Variants in COL24A1 observed in about 807,000 individuals in gnomAD.
The protein encoded by COL24A1 is collagen type XXIV alpha 1 chain, also known as collagen alpha-1(XXIV) chain.
A neutral mutation model predicts 253.9 loss-of-function variants in COL24A1; 224 were observed. The observed-to-expected ratio is 0.88, with a 90% confidence interval of 0.79 to 0.99. The LOEUF is 0.99. Among genes scored for constraint, COL24A1 ranks in the 50% least tolerant of loss-of-function variants. The pLI is 0.00. For missense variants in COL24A1, 2,131 were observed against 2,068.5 expected (o/e 1.03, Z -0.59); for synonymous variants, 685 against 673.7 (o/e 1.02, Z -0.26).
intron 24 of COL24A1, among the ~76,000 whole-genome samples, chr1:85,936,202 C>T (rs1688235688): frequency 6.8e-6 from 1 of 147,270 alleles, no homozygotes; most frequent in African/African-American, 2.5e-5. Context: ...AAAACAGTAT[C>T]TGGGCAGAGG....
intron 24 of COL24A1, among the ~76,000 whole-genome samples, chr1:85,939,309 A>T (rs1688517496): frequency 6.6e-6 from 1 of 152,186 alleles, no homozygotes; most frequent in Admixed American, 6.5e-5. Flanking sequence ...TGGACACAAC[A>T]ACTATCATAC....
intron 28 of COL24A1, among the ~76,000 whole-genome samples, chr1:85,906,394 AAATT>A (rs1040570671): frequency 8.6e-5 from 13 of 151,486 alleles, no homozygotes; most frequent in African/African-American, 2.7e-4. Flanking sequence ...CCACATATCC[AAATT>A]AATTTAAAAA....
chr1:85,804,248 G>A (rs1340639225), intron 47 of COL24A1, among the ~76,000 whole-genome samples: 1 of 152,160 alleles, frequency 6.6e-6, no homozygotes, highest in African/African-American at 2.4e-5. Context: ...ATGAGAATAT[G>A]TGAAAGTGTT....
intron 7 of COL24A1, among the ~76,000 whole-genome samples, chr1:86,075,954 G>C (rs1030206023): frequency 2.0e-5 from 3 of 152,082 alleles, no homozygotes; most frequent in Non-Finnish European, 2.9e-5. Flanking sequence ...ATGAGTAAAA[G>C]CTGGAAGTAT....
At chr1:85,923,292 C>A (rs1206639601) in intron 24 of COL24A1, among the ~76,000 whole-genome samples, 1 of 152,156 alleles carries the variant, frequency 6.6e-6, no homozygotes, top group Non-Finnish European at 1.5e-5. Context: ...ATATCCAGGA[C>A]TTGAACTCAG....
intron 22 of COL24A1, among the ~76,000 whole-genome samples, chr1:85,965,667 G>A (rs1029443277): frequency 6.6e-6 from 1 of 152,090 alleles, no homozygotes; most frequent in African/African-American, 2.4e-5. Context: ...AACTTCCCCA[G>A]AGAGTGCCAT....
chr1:85,802,636 C>A (rs1041006015), intron 47 of COL24A1, among the ~76,000 whole-genome samples: 2 of 152,082 alleles, frequency 1.3e-5, no homozygotes, highest in Admixed American at 6.6e-5. Context: ...GATAAACTGG[C>A]ATAATAAATA....
chr1:85,794,761 ATATAAT>A (rs138576663), intron 47 of COL24A1, among the ~76,000 whole-genome samples: 11,528 of 152,120 alleles, frequency 0.076, 686 homozygotes, highest in East Asian at 0.17. Flanking sequence ...TAAAAAGTAA[ATATAAT>A]TATAATTATT....
intron 57 of COL24A1, among the ~76,000 whole-genome samples, chr1:85,740,595 C>T (rs1320442079): frequency 1.3e-5 from 2 of 151,944 alleles, no homozygotes; most frequent in Admixed American, 6.6e-5. Context: ...GTAGCTGGGA[C>T]CACAGGCACA....
At chr1:86,045,803 TA>T (rs549949424) in intron 12 of COL24A1, 10 of 418,430 alleles carry the variant, frequency 2.4e-5, no homozygotes, top group South Asian at 1.8e-4. Context: ...CTTAATACAC[TA>T]AAATCTTTAA....
intron 55 of COL24A1, among the ~76,000 whole-genome samples, chr1:85,754,867 G>T (rs1666051686): frequency 6.6e-6 from 1 of 152,078 alleles, no homozygotes; most frequent in Non-Finnish European, 1.5e-5. Context: ...TGCATGATGA[G>T]AGTCTCAGAA....
At chr1:86,053,592 G>A (rs1249399146) in intron 10 of COL24A1, among the ~76,000 whole-genome samples, 1 of 152,036 alleles carries the variant, frequency 6.6e-6, no homozygotes, top group African/African-American at 2.4e-5. Flanking sequence ...TTTTTGGTTT[G>A]AAGGTTGTAG....
At chr1:86,003,212 G>A (rs1218506020) in intron 19 of COL24A1, among the ~76,000 whole-genome samples, 2 of 152,154 alleles carry the variant, frequency 1.3e-5, no homozygotes, top group Non-Finnish European at 2.9e-5. Context: ...ACCTGGTAAA[G>A]GAAGGACACT....
chr1:86,025,542 C>T (rs1697953259), intron 14 of COL24A1, among the ~76,000 whole-genome samples: 1 of 152,118 alleles, frequency 6.6e-6, no homozygotes, highest in African/African-American at 2.4e-5. Context: ...ATAACAATGA[C>T]AACCAACTGC....
At chr1:86,041,106 G>A (rs1319148773) in intron 12 of COL24A1, among the ~76,000 whole-genome samples, 1 of 152,082 alleles carries the variant, frequency 6.6e-6, no homozygotes, top group African/African-American at 2.4e-5. Flanking sequence ...AAGAGGAGCA[G>A]GCTCTCCTTT....
At chr1:86,009,163 A>G (rs1349325609) in intron 19 of COL24A1, among the ~76,000 whole-genome samples, 3 of 152,218 alleles carry the variant, frequency 2.0e-5, no homozygotes. Context: ...CCAGGAAAAC[A>G]CTGAAAAAAG....
Position 85,832,301 on chromosome 1 carries a change from C to A in COL24A1, c.3681+6284G>T, listed in dbSNP as rs572948956. On this transcript the variant is annotated intron_variant, in intron 43 of 59. Coordinates refer to ENST00000370571, the MANE Select transcript of COL24A1 (RefSeq NM_152890.7). ...ATTGATCCATATCTCTGTTTTGGTACCAGTACCATGCTGTTTTGGTTACTG... is the reference window on the plus strand; with the variant it reads ...ATTGATCCATATCTCTGTTTTGGTAACAGTACCATGCTGTTTTGGTTACTG... Among the ~76,000 whole-genome samples the A allele has an allele frequency of 1.3e-4, 20 of 152,138 alleles. No individual in the cohort carries two copies. The East Asian group carries it at 2.5e-3, about 19-fold the overall frequency.
chr1:85,991,898 TTTATTTTA>T (rs1694314868), intron 19 of COL24A1, among the ~76,000 whole-genome samples: 2 of 151,696 alleles, frequency 1.3e-5, no homozygotes, highest in Admixed American at 6.6e-5. Flanking sequence ...TATTTATTTA[TTTATTTTA>T]TTATTTTATT....
intron 2 of COL24A1, among the ~76,000 whole-genome samples, chr1:86,127,792 T>C (rs1447078421): frequency 6.6e-6 from 1 of 152,028 alleles, no homozygotes; most frequent in Non-Finnish European, 1.5e-5. Context: ...TAGCAAAAGA[T>C]AGGAGAGAAT....
Sources: gnomAD v4.1 joint callset for allele counts (sites outside exome capture counted in the v4.1 genomes callset) on GRCh38, gnomAD v4.1.1 for gene constraint, MANE v1.5 for transcripts, NCBI Gene and HGNC (gene_info 2026-07-23, HGNC 2026-07-21) for gene names.